Variants in KMT2C observed in about 807,000 individuals in gnomAD.
KMT2C encodes lysine methyltransferase 2C.
Under a neutral mutation model 507.9 loss-of-function variants are expected in KMT2C, and 88 were observed. That is an observed-to-expected ratio of 0.17 (90% CI 0.15 to 0.21). KMT2C has a LOEUF of 0.21. Ranked by LOEUF, KMT2C falls within the 10% of genes least tolerant of loss-of-function variation. KMT2C has a pLI of 1.00. For synonymous variants in KMT2C, 2,049 were observed against 2,080.8 expected (o/e 0.98, Z 0.42); for missense variants, 4,954 against 5,957.8 (o/e 0.83, Z 5.55).
intron 36 of KMT2C, among the ~76,000 whole-genome samples, 177 bp from the exon 37 acceptor site, chr7:152,180,303 G>A (rs2093389060): frequency 6.6e-6 from 1 of 152,134 alleles, no homozygotes; most frequent in South Asian, 2.1e-4. Context: ...TTACAAGCAT[G>A]CGCCACCGTG....
In KMT2C at chr7:152,413,562, T is replaced by C. The variant is rs575669437; in HGVS notation, c.161+22064A>G. Among the ~76,000 whole-genome samples the C allele has an allele frequency of 1.9e-3, 283 of 152,246 alleles. 3 individuals are homozygous for C. The highest frequency in any genetic ancestry group is 9.2e-3 in the Admixed American group (140 of 15,278). On this transcript the variant is annotated intron_variant, in intron 1 of 58. Transcript: ENST00000262189. ...CTATGAATAAAATTCTACATAAGTTTCCATCTCAGGATTTTTGTTCTCTTT... is the reference window on the plus strand; with the variant it reads ...CTATGAATAAAATTCTACATAAGTTCCCATCTCAGGATTTTTGTTCTCTTT...
chr7:152,261,439 T>C (rs1372779752), intron 9 of KMT2C, among the ~76,000 whole-genome samples: 1 of 152,160 alleles, frequency 6.6e-6, no homozygotes, highest in Non-Finnish European at 1.5e-5. Context: ...AAGGACTTCA[T>C]CTAACTAAAT....
At chr7:152,400,080 G>A (rs1165629743) in intron 1 of KMT2C, among the ~76,000 whole-genome samples, 1 of 151,872 alleles carries the variant, frequency 6.6e-6, no homozygotes, top group East Asian at 1.9e-4. Context: ...AGGCCGAGAT[G>A]GGCGGATCAC....
At chr7:152,188,398 T>C (rs2093685665) in intron 31 of KMT2C, among the ~76,000 whole-genome samples, 1 of 152,116 alleles carries the variant, frequency 6.6e-6, no homozygotes. Flanking sequence ...ATTGAGATAA[T>C]GTATGTACAG....
chr7:152,376,159 G>A (rs972956952), intron 1 of KMT2C, among the ~76,000 whole-genome samples: 3 of 152,148 alleles, frequency 2.0e-5, no homozygotes, highest in African/African-American at 7.2e-5. Context: ...CACATAAGAT[G>A]GCTAACATAT....
At chr7:152,191,718 C>G (rs1275730616) in intron 31 of KMT2C, among the ~76,000 whole-genome samples, 1 of 152,220 alleles carries the variant, frequency 6.6e-6, no homozygotes, top group Non-Finnish European at 1.5e-5. Flanking sequence ...CCTTTACAAT[C>G]AGCACCAATG....
intron 55 of KMT2C, among the ~76,000 whole-genome samples, chr7:152,143,343 T>C (rs1281462465): frequency 2.0e-5 from 3 of 152,138 alleles, no homozygotes; most frequent in Middle Eastern, 3.2e-3. Context: ...GCAGATAAAG[T>C]AGAGGAAGTC....
chr7:152,307,235 AAGGAAGGAAGGAAGGACGGT>A (rs1351762727), intron 6 of KMT2C, among the ~76,000 whole-genome samples: 2 of 129,638 alleles, frequency 1.5e-5, no homozygotes, highest in Non-Finnish European at 3.1e-5. Context: ...GGAAGGAAGG[AAGGAAGGAAGGAAGGACGGT>A]AGGAAGGAAG....
At position 152,159,020 on chromosome 7, in the gene KMT2C, G is replaced by C. The variant is rs2129101609; in HGVS notation, c.11513C>G (p.Pro3838Arg). The change falls in exon 44 of 59, where the codon CCA becomes CGA. Residue 3838 changes from proline to arginine, a missense_variant. Transcript: ENST00000262189. Reference protein sequence around the residue: ...QGGFGCGNQLPKTDGGSETKK... With the variant: ...QGGFGCGNQLRKTDGGSETKK... ...GGTTTCACTTCCTCCATCTGTTTTT[G>C]GCAACTGGTTGCCACATCCAAAACC... is the stretch of plus-strand genomic sequence containing the variant. 6.2e-7 allele frequency: 1 copy of C among 1,614,016 alleles called. No individual in the cohort carries two copies. Among genetic ancestry groups the C allele is most frequent in the South Asian group, 1.1e-5 (1 of 91,074 alleles).
intron 14 of KMT2C, among the ~76,000 whole-genome samples, chr7:152,239,828 A>G (rs28452156): frequency 6.6e-6 from 1 of 152,128 alleles, no homozygotes; most frequent in Non-Finnish European, 1.5e-5. Context: ...GACAAGGTAC[A>G]TAGTACTTAC....
At chr7:152,185,218 G>C (rs1245095831) in intron 34 of KMT2C, among the ~76,000 whole-genome samples, 1 of 152,172 alleles carries the variant, frequency 6.6e-6, no homozygotes, top group East Asian at 1.9e-4. Context: ...ATCCATGGTT[G>C]GTTGAATCCA....
intron 1 of KMT2C, among the ~76,000 whole-genome samples, chr7:152,398,276 T>C (rs1032781549): frequency 6.6e-6 from 1 of 152,166 alleles, no homozygotes; most frequent in Non-Finnish European, 1.5e-5. Context: ...AAACACTCCT[T>C]GGCAAATTAA....
intron 6 of KMT2C, among the ~76,000 whole-genome samples, chr7:152,285,031 G>A (rs2096273800): frequency 6.6e-6 from 1 of 152,214 alleles, no homozygotes; most frequent in East Asian, 1.9e-4. Context: ...TTTCCAACAA[G>A]TCAGAAATTC....
chr7:152,369,121 G>A (rs1029474811), intron 1 of KMT2C, among the ~76,000 whole-genome samples: 1 of 151,958 alleles, frequency 6.6e-6, no homozygotes, highest in Non-Finnish European at 1.5e-5. Context: ...TCAGGAGTTC[G>A]AGACCAGCCT....
chr7:152,149,756 C>T (rs1046601474), intron 51 of KMT2C, among the ~76,000 whole-genome samples: 4 of 152,142 alleles, frequency 2.6e-5, no homozygotes, highest in Non-Finnish European at 4.4e-5. Context: ...GGGAAATCTC[C>T]AATAGCTTAT....
chr7:152,234,545 G>C (rs2129154365), intron 16 of KMT2C, among the ~76,000 whole-genome samples: 1 of 152,270 alleles, frequency 6.6e-6, no homozygotes, highest in South Asian at 2.1e-4. Flanking sequence ...TATACTTCCT[G>C]ATTCATTCTA....
At position 152,154,406 on chromosome 7, in the gene KMT2C, A is replaced by G; in HGVS notation, c.12000T>C (p.Ser4000=). The G allele has an allele frequency of 1.2e-6, 2 of 1,614,022 alleles. No homozygotes were observed. Among genetic ancestry groups the G allele is most frequent in the Non-Finnish European group, 1.7e-6 (2 of 1,179,988 alleles). ...DHCGDRDTPD[S]FVPSSSPESV... ...TCTCAGGAGAGGATGAGGGAACAAA[A>G]CTGTCAGGAGTATCTCGATCACCAC... The change falls in exon 47 of 59, where the codon AGT becomes AGC. Residue 4000 remains serine (S), a synonymous_variant. Coordinates refer to ENST00000262189, the MANE Select transcript of KMT2C (RefSeq NM_170606.3).
intron 1 of KMT2C, chr7:152,366,983 G>A (rs1389402549): frequency 3.6e-6 from 2 of 551,504 alleles, no homozygotes; most frequent in Non-Finnish European, 6.4e-6. Context: ...AGCGCCAGTT[G>A]CAGCCCCGGC....
chr7:152,329,320 T>G (rs984990481), intron 3 of KMT2C, among the ~76,000 whole-genome samples: 5 of 152,022 alleles, frequency 3.3e-5, no homozygotes, highest in African/African-American at 1.2e-4. Context: ...CTTCCACCAC[T>G]TAGGGAGGCT....
Sources: gnomAD v4.1 joint callset for allele counts (sites outside exome capture counted in the v4.1 genomes callset) on GRCh38, gnomAD v4.1.1 for gene constraint, MANE v1.5 for transcripts, NCBI Gene and HGNC (gene_info 2026-07-23, HGNC 2026-07-21) for gene names.